Variants in ATP11A observed in about 807,000 individuals in gnomAD.
ATP11A encodes the protein ATPase phospholipid transporting 11A, also known as phospholipid-transporting ATPase IH.
A neutral mutation model predicts 154.4 loss-of-function variants in ATP11A; 81 were observed. That is an observed-to-expected ratio of 0.52 (90% CI 0.44 to 0.63). The LOEUF is 0.63. Ranked by LOEUF, ATP11A falls within the 30% of genes least tolerant of loss-of-function variation. The pLI is 0.00. For synonymous variants in ATP11A, 623 were observed against 585.9 expected (o/e 1.06, Z -0.91); for missense variants, 1,316 against 1,474.3 (o/e 0.89, Z 1.76).
chr13:112,869,440 G>A (rs2080442277), intron 25 of ATP11A, among the ~76,000 whole-genome samples: 2 of 152,198 alleles, frequency 1.3e-5, no homozygotes, highest in Non-Finnish European at 2.9e-5. Context: ...GCAGTTTCTC[G>A]GCTCACAGCA....
In ATP11A at chr13:112,810,700, G is replaced by A. The variant is rs754791463; in HGVS notation, c.415G>A (p.Val139Ile). 1.1e-5 allele frequency: 18 copies of A among 1,613,992 alleles called. No individual in the cohort carries two copies. Among genetic ancestry groups the A allele is most frequent in the African/African-American group, 2.7e-5 (2 of 74,902 alleles). ...PVHFIQHGKL[V>I]RKQSRKLRVG... ...TCATTTCATTCAGCACGGCAAGCTC[G>A]TTCGGAAACAAAGTCGAAAGCTGCG... is the stretch of plus-strand genomic sequence containing the variant. The change falls in exon 5 of 30, where the codon GTT becomes ATT. Residue 139 changes from valine to isoleucine, a missense_variant. Val to Ile is a conservative substitution (Grantham distance 29). Around this residue, in one of 5 missense-constraint regions of ATP11A, gnomAD observed 876 missense variants for 1,006.8 expected, o/e 0.87. Coordinates refer to ENST00000375645, the MANE Select transcript of ATP11A (RefSeq NM_015205.3).
chr13:112,711,536 CCCAGGGACGTCACCGTAAA>C (rs1460404488), intron 1 of ATP11A, among the ~76,000 whole-genome samples: 1 of 151,862 alleles, frequency 6.6e-6, no homozygotes, highest in Non-Finnish European at 1.5e-5. Flanking sequence ...AAAAAAGCAG[CCCAGGGACGTCACCGTAAA>C]CAGGCACCGC....
intron 1 of ATP11A, among the ~76,000 whole-genome samples, chr13:112,756,317 C>T (rs1189709694): frequency 1.3e-5 from 2 of 152,196 alleles, no homozygotes; most frequent in African/African-American, 4.8e-5. Flanking sequence ...GTTGCGGTGC[C>T]TTCAGGAAAG....
chr13:112,830,355 G>A (rs1365382791), intron 12 of ATP11A, among the ~76,000 whole-genome samples: 4 of 152,084 alleles, frequency 2.6e-5, no homozygotes, highest in African/African-American at 7.2e-5. Context: ...TGGGTGGATC[G>A]CCTGAGGTCA....
At chr13:112,808,213 C>T (rs2078378557) in intron 4 of ATP11A, among the ~76,000 whole-genome samples, 1 of 152,052 alleles carries the variant, frequency 6.6e-6, no homozygotes, top group African/African-American at 2.4e-5. Flanking sequence ...GTGTCCCCTC[C>T]CATCGGCCTG....
intron 1 of ATP11A, among the ~76,000 whole-genome samples, chr13:112,767,897 G>A (rs138322688): frequency 5.9e-5 from 9 of 152,236 alleles, no homozygotes; most frequent in Admixed American, 1.3e-4. Flanking sequence ...GGTGTGGCCC[G>A]TGGACTTGTG....
At chr13:112,752,842 A>G (rs1174568172) in intron 1 of ATP11A, among the ~76,000 whole-genome samples, 1 of 152,134 alleles carries the variant, frequency 6.6e-6, no homozygotes, top group Non-Finnish European at 1.5e-5. Context: ...GGGACTTTCC[A>G]GGAAAGTCAG....
At chr13:112,801,780 G>A (rs1356347576) in intron 2 of ATP11A, among the ~76,000 whole-genome samples, 2 of 152,176 alleles carry the variant, frequency 1.3e-5, no homozygotes, top group Admixed American at 6.5e-5. Context: ...CGAAATCAAA[G>A]ACTTAAATTA....
At chr13:112,729,803 G>A (rs954786652) in intron 1 of ATP11A, among the ~76,000 whole-genome samples, 2 of 152,224 alleles carry the variant, frequency 1.3e-5, no homozygotes, top group South Asian at 2.1e-4. Flanking sequence ...CTCAGCTTGC[G>A]GGAACTCTTC....
chr13:112,880,773 C>G, intron 29 of ATP11A: 1 of 1,156,830 alleles, frequency 8.6e-7, no homozygotes, highest in Non-Finnish European at 1.1e-6. Flanking sequence ...GAGCAGCCCT[C>G]TTTACACACA....
At chr13:112,691,782 A>G (rs1417056057) in intron 1 of ATP11A, among the ~76,000 whole-genome samples, 1 of 152,118 alleles carries the variant, frequency 6.6e-6, no homozygotes, top group African/African-American at 2.4e-5. Flanking sequence ...GGGATGCCAG[A>G]TCAATGCTTT....
intron 1 of ATP11A, among the ~76,000 whole-genome samples, chr13:112,691,463 CAA>C (rs34506401): frequency 8.5e-4 from 72 of 84,330 alleles, no homozygotes; most frequent in South Asian, 7.5e-3. Flanking sequence ...GACTCTGTAT[CAA>C]AAAAAAAAAA....
intron 9 of ATP11A, among the ~76,000 whole-genome samples, chr13:112,823,993 C>T (rs1316324903): frequency 6.6e-6 from 1 of 152,100 alleles, no homozygotes; most frequent in East Asian, 1.9e-4. Flanking sequence ...TTTTTATCGT[C>T]TGTATTTTGT....
At chr13:112,715,092 G>A (rs1405760192) in intron 1 of ATP11A, among the ~76,000 whole-genome samples, 1 of 152,200 alleles carries the variant, frequency 6.6e-6, no homozygotes, top group Admixed American at 6.5e-5. Context: ...GTTGTAGCCT[G>A]TATGACTCCG....
intron 2 of ATP11A, among the ~76,000 whole-genome samples, chr13:112,800,592 C>A (rs554404099): frequency 6.6e-6 from 1 of 152,096 alleles, no homozygotes; most frequent in South Asian, 2.1e-4. Flanking sequence ...AAAATCAATT[C>A]TCTACAATCT....
chr13:112,745,685 A>G (rs1283407516), intron 1 of ATP11A: 1 of 152,246 alleles, frequency 6.6e-6, no homozygotes, highest in Non-Finnish European at 1.5e-5. Context: ...ATCATCGAGA[A>G]GCATAAAACA....
At position 112,885,841 on chromosome 13, in the gene ATP11A, C is replaced by T. The variant is rs2080971524; in HGVS notation, c.*3975C>T. On this transcript the variant is annotated 3_prime_UTR_variant, in exon 30 of 30. Transcript: ENST00000375645. The stretch of plus-strand genomic sequence containing the variant: ...CTCCCTGGGATGAAGAGTCCCCCTC[C>T]TGGCAGAATGTCTGGGCTTTGCAGA... The T allele has an allele frequency of 6.6e-6, 1 of 152,324 alleles. No individual in the cohort carries two copies. The highest frequency in any genetic ancestry group is 1.5e-5 in the Non-Finnish European group (1 of 68,098). The allele number at this position is 152,324 out of a possible 1,614,324, so 9.4% of individuals were successfully genotyped here. A position where few individuals can be genotyped will look rare whatever the true frequency, so the allele number is the denominator to read the frequency against.
chr13:112,732,797 G>A (rs1360842623), intron 1 of ATP11A, among the ~76,000 whole-genome samples: 9 of 152,174 alleles, frequency 5.9e-5, no homozygotes, highest in Admixed American at 3.3e-4. Flanking sequence ...TTTTTTTGTC[G>A]AGATGGGGTT....
chr13:112,819,184 T>C, intron 6 of ATP11A, 120 bp from the exon 7 acceptor site: 2 of 803,166 alleles, frequency 2.5e-6, no homozygotes, highest in Admixed American at 4.3e-5. Flanking sequence ...TCTGTAACTA[T>C]TAAACATTTA....
Sources: gnomAD v4.1 joint callset for allele counts (sites outside exome capture counted in the v4.1 genomes callset) on GRCh38, gnomAD v4.1.1 for gene constraint, gnomAD v4.1.1 regional missense constraint, MANE v1.5 for transcripts, NCBI Gene and HGNC (gene_info 2026-07-23, HGNC 2026-07-21) for gene names.